Variants in KDM4B observed in about 807,000 individuals in gnomAD.
The protein encoded by KDM4B is lysine-specific demethylase 4B.
A neutral mutation model predicts 125.2 loss-of-function variants in KDM4B; 32 were observed. The observed-to-expected ratio is 0.26, with a 90% CI of 0.19 to 0.34. KDM4B has a LOEUF of 0.34. Ranked by LOEUF, KDM4B falls within the 10% of genes least tolerant of loss-of-function variation. The pLI is 1.00. For synonymous variants in KDM4B, 721 were observed against 677.9 expected (o/e 1.06, Z -0.99); for missense variants, 1,190 against 1,577.7 (o/e 0.75, Z 4.16).
chr19:5,102,286 C>T (rs1012601946), intron 9 of KDM4B, among the ~76,000 whole-genome samples: 1 of 152,198 alleles, frequency 6.6e-6, no homozygotes, highest in African/African-American at 2.4e-5. Flanking sequence ...AGATGGGTGG[C>T]GTGGGCTTGC....
chr19:5,120,844 A>G (rs2039347266), intron 11 of KDM4B, among the ~76,000 whole-genome samples: 1 of 152,080 alleles, frequency 6.6e-6, no homozygotes, highest in African/African-American at 2.4e-5. Flanking sequence ...CCTCCCACCA[A>G]GGGCTGCCCC....
At chr19:5,045,940 G>C (rs1047837001) in intron 5 of KDM4B, among the ~76,000 whole-genome samples, 4 of 152,176 alleles carry the variant, frequency 2.6e-5, no homozygotes, top group African/African-American at 4.8e-5. Flanking sequence ...CATGCTGTTT[G>C]TTTTCTTCTG....
chr19:5,024,845 G>A (rs2036229984), intron 2 of KDM4B, among the ~76,000 whole-genome samples: 1 of 152,170 alleles, frequency 6.6e-6, no homozygotes, highest in Non-Finnish European at 1.5e-5. Flanking sequence ...CTACTCAGAA[G>A]GCTCAAGCAG....
chr19:5,127,876 C>T (rs1055864508), intron 11 of KDM4B, among the ~76,000 whole-genome samples: 13 of 152,168 alleles, frequency 8.5e-5, no homozygotes, highest in African/African-American at 3.1e-4. Context: ...TCCCAGGAGG[C>T]CCCGTTGGTC....
At chr19:5,017,154 G>A (rs1307122656) in intron 2 of KDM4B, among the ~76,000 whole-genome samples, 1 of 152,182 alleles carries the variant, frequency 6.6e-6, no homozygotes, top group East Asian at 1.9e-4. Flanking sequence ...ATGAGGGCGA[G>A]TGTGGACTTG....
Position 5,026,581 on chromosome 19 carries a change from C to T in KDM4B, c.-25-6285C>T, listed in dbSNP as rs148062504. On this transcript the variant is annotated intron_variant, in intron 2 of 22. Coordinates refer to ENST00000159111, the MANE Select transcript of KDM4B (RefSeq NM_015015.3). The stretch of plus-strand genomic sequence containing the variant: ...TCTCGTCCCAGAACCGAAACTCTGC[C>T]TGGCACGTGGTGGGGCCTGCACATT... Among the ~76,000 whole-genome samples the T allele has an allele frequency of 9.2e-3, 1,397 of 152,212 alleles. 26 individuals are homozygous for T. The highest frequency in any genetic ancestry group is 0.032 in the African/African-American group (1,335 of 41,520).
chr19:5,061,840 A>C (rs1427011114), intron 6 of KDM4B, among the ~76,000 whole-genome samples: 1 of 151,578 alleles, frequency 6.6e-6, no homozygotes, highest in Non-Finnish European at 1.5e-5. Context: ...AAAAAAAAAA[A>C]CAAAAAACAA....
At chr19:5,048,598 GGA>G (rs1310859136) in intron 6 of KDM4B, among the ~76,000 whole-genome samples, 3 of 151,256 alleles carry the variant, frequency 2.0e-5, no homozygotes, top group African/African-American at 2.4e-5. Context: ...TTGTAAGCGG[GGA>G]GAGGGGGGGG....
At chr19:5,126,894 G>A (rs928944270) in intron 11 of KDM4B, among the ~76,000 whole-genome samples, 4 of 152,256 alleles carry the variant, frequency 2.6e-5, no homozygotes, top group Admixed American at 6.5e-5. Context: ...AAGCTGGTGA[G>A]TTGATCTCGG....
At chr19:5,059,511 C>T (rs77610872) in intron 6 of KDM4B, among the ~76,000 whole-genome samples, 12,214 of 152,278 alleles carry the variant, frequency 0.08, 537 homozygotes, top group Middle Eastern at 0.11. Flanking sequence ...CCCCGAGGCC[C>T]AGGGAGGGAC....
rs768120017 is a variant in KDM4B at position 5,115,554 on chromosome 19, C to T, written c.1116-4099C>T. 6.6e-5 allele frequency among the ~76,000 whole-genome samples: 10 copies of T among 152,218 alleles called. No homozygotes were observed. Among genetic ancestry groups the T allele is most frequent in the Non-Finnish European group, 1.2e-4 (8 of 68,038 alleles). ...GCCTTCACCAGGCCCAGCTCACACA[C>T]GGCTTGGCACCGTGCACAGAGGGAT... On this transcript the variant is annotated intron_variant, in intron 10 of 22. Coordinates refer to ENST00000159111, the MANE Select transcript of KDM4B (RefSeq NM_015015.3). This position sits in a 1 kb window ranked among gnomAD's most constrained non-coding sequence, Gnocchi z 4.2.
At chr19:5,150,234 T>A in intron 21 of KDM4B, 124 bp from the exon 22 acceptor site, 2 of 649,278 alleles carry the variant, frequency 3.1e-6, no homozygotes. Flanking sequence ...CTTGGCTGCA[T>A]GTGGCCTCTA....
intron 6 of KDM4B, among the ~76,000 whole-genome samples, chr19:5,060,368 G>A (rs1252509442): frequency 2.0e-5 from 3 of 149,106 alleles, no homozygotes; most frequent in African/African-American, 4.9e-5. Flanking sequence ...GAACCCGGGA[G>A]GTGGAGGTTG....
chr19:5,041,124 G>A lies in KDM4B; in HGVS notation c.318-13G>A, dbSNP rs1191583410. The A allele has an allele frequency of 6.3e-7, 1 of 1,585,332 alleles. No homozygotes were observed. The highest frequency in any genetic ancestry group is 8.7e-7 in the Non-Finnish European group (1 of 1,155,586). On this transcript the variant is annotated splice_polypyrimidine_tract_variant and intron_variant, in intron 4 of 22. Transcript: ENST00000159111. ...CCTCACCCTGAGCTGGTTTTGGGGTGTTTGTTCACCAGGTACTGTACCCCG... is the reference window on the plus strand; with the variant it reads ...CCTCACCCTGAGCTGGTTTTGGGGTATTTGTTCACCAGGTACTGTACCCCG...
chr19:5,105,917 G>C (rs1164723139), intron 9 of KDM4B, among the ~76,000 whole-genome samples: 2 of 152,356 alleles, frequency 1.3e-5, no homozygotes, highest in African/African-American at 4.8e-5. Flanking sequence ...TGGCAGGCCA[G>C]ATGTGGCCCA....
rs757732648 is a variant in KDM4B at position 5,040,019 on chromosome 19, G to A, written c.317+8G>A. ...CCTGGCCAACAGCGAGAAGTACGCG[G>A]GGCGGGCAGGGCGGACCTGACCCCC... On this transcript the variant is annotated splice_region_variant and intron_variant, in intron 4 of 22. Transcript: ENST00000159111. The A allele has an allele frequency of 3.1e-6, 5 of 1,604,908 alleles. No homozygotes were observed. The highest frequency in any genetic ancestry group is 4.3e-6 in the Non-Finnish European group (5 of 1,174,454).
chr19:5,135,503 C>G lies in KDM4B; in HGVS notation c.2250C>G (p.Gly750=), dbSNP rs138949640. Residue 750 remains glycine, a synonymous_variant, in exon 15 of 23, where the codon GGC becomes GGG. Transcript: ENST00000159111. ...CGCTGCCTGCCAACTCCTACATCGG[C>G]GACGACGGGACCAGCCCCCTGATCG... ...TEPLPANSYI[G]DDGTSPLIAC... 4.3e-6 allele frequency: 7 copies of G among 1,611,650 alleles called. No individual in the cohort carries two copies. The highest frequency in any genetic ancestry group is 5.9e-6 in the Non-Finnish European group (7 of 1,179,570).
At chr19:5,091,166 C>G (rs934654953) in intron 9 of KDM4B, among the ~76,000 whole-genome samples, 3 of 152,240 alleles carry the variant, frequency 2.0e-5, no homozygotes, top group Non-Finnish European at 4.4e-5. Flanking sequence ...GGGCTGGCCC[C>G]GAGGTGGGTG....
Position 5,035,373 on chromosome 19 carries a change from C to A in KDM4B, c.141+2342C>A, listed in dbSNP as rs113870832. Reference sequence around the variant, plus strand: ...GTTGAGGGGAATCAGCATCTCAGACCGCCCTGCGCTCTTCCGAGGTGCCTT... The same window carrying A: ...GTTGAGGGGAATCAGCATCTCAGACAGCCCTGCGCTCTTCCGAGGTGCCTT... On this transcript the variant is annotated intron_variant, in intron 3 of 22. Coordinates refer to ENST00000159111, the MANE Select transcript of KDM4B (RefSeq NM_015015.3). The surrounding 1 kb of genome is among the most constrained non-coding windows in gnomAD (Gnocchi z 5.3). Among the ~76,000 whole-genome samples the A allele has an allele frequency of 6.6e-6, 1 of 151,936 alleles. No homozygotes were observed. The highest frequency in any genetic ancestry group is 1.5e-5 in the Non-Finnish European group (1 of 67,940).
Sources: allele counts gnomAD v4.1 joint callset (sites outside exome capture counted in the v4.1 genomes callset), GRCh38; gene constraint gnomAD v4.1.1; non-coding constraint Gnocchi (gnomAD v3.1); transcripts MANE v1.5; gene names NCBI Gene and HGNC (gene_info 2026-07-23, HGNC 2026-07-21).